Variants in PCDHA10 observed in about 807,000 individuals in gnomAD.
PCDHA10 encodes the protein protocadherin alpha 10, also known as protocadherin alpha-10.
In PCDHA10, 45 loss-of-function variants were observed where a neutral mutation model predicts 61.2. The observed-to-expected ratio is 0.74, with a 90% confidence interval of 0.58 to 0.94. The LOEUF (loss-of-function observed/expected upper bound fraction) is 0.94. PCDHA10 is among the 40% of genes least tolerant of loss of function. The probability of loss-of-function intolerance (pLI) is 0.00; values close to 1 mark genes in which losing one functional copy is unlikely to be tolerated. For synonymous variants in PCDHA10, 602 were observed against 548.8 expected (o/e 1.10, Z -1.35); for missense variants, 1,278 against 1,236.2 (o/e 1.03, Z -0.51).
intron 1 of PCDHA10, chr5:140,876,139 A>G (rs1554168285): frequency 6.2e-7 from 1 of 1,613,960 alleles, no homozygotes; most frequent in South Asian, 1.1e-5. Context: ...ACCAGAACTA[A>G]CAGGGTCTGT....
chr5:140,869,962 A>C (rs1554163660), intron 1 of PCDHA10: 4 of 1,612,950 alleles, frequency 2.5e-6, no homozygotes, highest in Middle Eastern at 1.6e-4. Flanking sequence ...AATTAAGCCC[A>C]ATGGAAGACA....
chr5:140,952,006 T>C (rs2094672029), intron 1 of PCDHA10, among the ~76,000 whole-genome samples: 1 of 152,184 alleles, frequency 6.6e-6, no homozygotes, highest in African/African-American at 2.4e-5. Context: ...GAAAGAATTA[T>C]AGGCCCCATG....
At chr5:140,882,108 A>T in intron 1 of PCDHA10, 4 of 1,370,912 alleles carry the variant, frequency 2.9e-6, no homozygotes, top group Non-Finnish European at 3.9e-6. Context: ...TCCGCGAAGA[A>T]AGCCGCCGTT....
intron 3 of PCDHA10, among the ~76,000 whole-genome samples, chr5:141,002,832 C>T (rs147080489): frequency 1.2e-4 from 18 of 152,242 alleles, no homozygotes; most frequent in Admixed American, 2.6e-4. Context: ...GTAAATGGCC[C>T]AGGACTATGC....
chr5:140,869,407 T>C, intron 1 of PCDHA10: 3 of 1,614,120 alleles, frequency 1.9e-6, no homozygotes, highest in Non-Finnish European at 2.5e-6. Context: ...GAGCGCGGAG[T>C]GCAGCATCCA....
In PCDHA10 at chr5:140,857,677, T is replaced by A. The variant is rs377237803; in HGVS notation, c.1629T>A (p.Pro543=). The A allele has an allele frequency of 3.8e-6, 6 of 1,596,766 alleles. No homozygotes were observed. Among genetic ancestry groups the A allele is most frequent in the Non-Finnish European group, 4.3e-6 (5 of 1,167,654 alleles). The part of the protein sequence containing the change: ...QVSARDGGVP[P]LGSNLTLQVF... Reference sequence around the variant, plus strand: ...GCGCGCGCGATGGGGGCGTGCCGCCTCTGGGCAGCAACTTGACGCTGCAGG... The same window carrying A: ...GCGCGCGCGATGGGGGCGTGCCGCCACTGGGCAGCAACTTGACGCTGCAGG... Residue 543 remains proline, a synonymous_variant, in exon 1 of 4, where the codon CCT becomes CCA. Transcript: ENST00000307360.
chr5:140,873,657 C>T (rs1270824058), intron 1 of PCDHA10, among the ~76,000 whole-genome samples: 1 of 152,206 alleles, frequency 6.6e-6, no homozygotes, highest in Non-Finnish European at 1.5e-5. Flanking sequence ...ACATAACACA[C>T]TATTATTATT....
At chr5:140,977,094 T>C (rs1291290436) in intron 1 of PCDHA10, among the ~76,000 whole-genome samples, 1 of 152,206 alleles carries the variant, frequency 6.6e-6, no homozygotes, top group Non-Finnish European at 1.5e-5. Context: ...AATGTGTCAT[T>C]GGGGAAGTGA....
chr5:140,873,548 T>C lies in PCDHA10; in HGVS notation c.2388+15112T>C, dbSNP rs1434309989. ...GCATTCTATGGTATAAAATTATAAT[T>C]TCAATTTATTTTCTAGTTTGGTTGT... On this transcript the variant is annotated intron_variant, in intron 1 of 3. Coordinates refer to ENST00000307360, the MANE Select transcript of PCDHA10 (RefSeq NM_018901.4). Among the ~76,000 whole-genome samples, 5 of 151,990 alleles carry C rather than the reference T, an allele frequency of 3.3e-5. No individual in the cohort carries two copies. In the East Asian group the frequency reaches 7.7e-4, roughly 23 times the overall value.
intron 1 of PCDHA10, among the ~76,000 whole-genome samples, chr5:140,963,902 A>G (rs1227304928): frequency 6.6e-6 from 1 of 152,218 alleles, no homozygotes; most frequent in Non-Finnish European, 1.5e-5. Flanking sequence ...AAATGAGTAA[A>G]GTGAAGCTTA....
intron 1 of PCDHA10, among the ~76,000 whole-genome samples, chr5:140,912,874 G>T (rs2076102653): frequency 6.6e-6 from 1 of 152,026 alleles, no homozygotes; most frequent in Non-Finnish European, 1.5e-5. Context: ...TATGGTTTTT[G>T]GTCTTCATTC....
chr5:140,969,110 C>T (rs1380719565), intron 1 of PCDHA10: 5 of 1,614,064 alleles, frequency 3.1e-6, no homozygotes, highest in Non-Finnish European at 3.4e-6. Flanking sequence ...CATTGAAGTT[C>T]GAGGGAATGG....
intron 1 of PCDHA10, among the ~76,000 whole-genome samples, chr5:140,903,156 T>G (rs1287323901): frequency 6.6e-6 from 1 of 152,232 alleles, no homozygotes; most frequent in Non-Finnish European, 1.5e-5. Flanking sequence ...CCATAGTGGT[T>G]GTGCTGGTTT....
chr5:140,889,547 T>C (rs2062267601), intron 1 of PCDHA10, among the ~76,000 whole-genome samples: 1 of 152,192 alleles, frequency 6.6e-6, no homozygotes, highest in Non-Finnish European at 1.5e-5. Context: ...TCTAATTTAC[T>C]TTTCTTCAGA....
intron 1 of PCDHA10, chr5:140,884,471 G>T (rs2060197778): frequency 1.2e-6 from 2 of 1,613,684 alleles, no homozygotes; most frequent in Admixed American, 3.3e-5. Flanking sequence ...GTGCGCGCCG[G>T]GCAAGCCCAC....
intron 1 of PCDHA10, among the ~76,000 whole-genome samples, chr5:140,945,249 T>C (rs1181677082): frequency 6.6e-6 from 1 of 152,050 alleles, no homozygotes; most frequent in African/African-American, 2.4e-5. Flanking sequence ...ACCAAGAGGA[T>C]GAAAGACCTG....
intron 1 of PCDHA10, among the ~76,000 whole-genome samples, chr5:140,915,616 GTC>G (rs1166585947): frequency 7.5e-6 from 1 of 134,000 alleles, no homozygotes. Context: ...CTGTCAAACA[GTC>G]TCTTTCTGTC....
intron 1 of PCDHA10, among the ~76,000 whole-genome samples, chr5:140,953,819 G>A (rs782420849): frequency 1.3e-5 from 2 of 151,904 alleles, no homozygotes; most frequent in Non-Finnish European, 1.5e-5. Context: ...GCATGTGCTA[G>A]TTGTGCAGGT....
At chr5:140,875,336 G>C in intron 1 of PCDHA10, 1 of 1,438,564 alleles carries the variant, frequency 7.0e-7, no homozygotes, top group Non-Finnish European at 9.1e-7. Flanking sequence ...GAATAGGATC[G>C]ACTCCATAAT....
Sources: gnomAD v4.1 joint callset for allele counts (sites outside exome capture counted in the v4.1 genomes callset) on GRCh38, gnomAD v4.1.1 for gene constraint, MANE v1.5 for transcripts, NCBI Gene and HGNC (gene_info 2026-07-23, HGNC 2026-07-21) for gene names.